ENPP3: variants seen among roughly 807,000 people sequenced by gnomAD.
ENPP3 encodes the protein ectonucleotide pyrophosphatase/phosphodiesterase 3.
ENPP3 carries 104 observed loss-of-function variants against 117.8 expected under a neutral mutation model. That is an observed-to-expected ratio of 0.88 (90% CI 0.75 to 1.04). The LOEUF (loss-of-function observed/expected upper bound fraction) is 1.04. ENPP3 is among the 50% of genes least tolerant of loss of function. ENPP3 has a pLI of 0.00. For missense variants in ENPP3, 1,026 were observed against 1,051.9 expected, an observed-to-expected ratio of 0.98 and a Z score of 0.34; for synonymous variants, 380 against 349.9, an observed-to-expected ratio of 1.09 and a Z score of -0.96.
chr6:131,662,555 A>G (rs1778525641), intron 6 of ENPP3, among the ~76,000 whole-genome samples: 1 of 152,022 alleles, frequency 6.6e-6, no homozygotes, highest in African/African-American at 2.4e-5. Context: ...ATTCTTTTTC[A>G]TTGGTCTATA....
chr6:131,737,616 G>T (rs1162919005), intron 22 of ENPP3, among the ~76,000 whole-genome samples, 184 bp downstream of exon 22: 3 of 152,052 alleles, frequency 2.0e-5, no homozygotes, highest in Admixed American at 6.5e-5. Context: ...CTTTGACTTT[G>T]AGTGACTTGT....
rs200016327 is a variant in ENPP3, at chr6:131,726,137, T to C, written c.1890T>C (p.Tyr630=). The change falls in exon 20 of 25, where the codon TAT becomes TAC. Residue 630 remains tyrosine, a synonymous_variant. Transcript: ENST00000357639. ...VDHCLLYHRE[Y]VSGFGKAMRM... ...ACTGTCTCCTTTACCACAGGGAATA[T>C]GTCAGTGGATTTGGAAAAGCTATGA... 1.2e-5 allele frequency: 19 copies of C among 1,613,772 alleles called. No individual in the cohort carries two copies. Among genetic ancestry groups the C allele is most frequent in the Non-Finnish European group, 5.9e-6 (7 of 1,179,782 alleles).
chr6:131,706,648 A>G (rs886952821), intron 15 of ENPP3, among the ~76,000 whole-genome samples: 14 of 149,644 alleles, frequency 9.4e-5, no homozygotes, highest in Non-Finnish European at 1.6e-4. Context: ...TTTATCATGA[A>G]TGGATATCGA....
intron 6 of ENPP3, among the ~76,000 whole-genome samples, chr6:131,663,410 G>A (rs1210970969): frequency 6.6e-6 from 1 of 151,258 alleles, no homozygotes; most frequent in Non-Finnish European, 1.5e-5. Context: ...TCACCAGCTG[G>A]GCATGGTTGC....
intron 20 of ENPP3, among the ~76,000 whole-genome samples, chr6:131,732,639 C>T (rs1436637429): frequency 6.6e-6 from 1 of 151,074 alleles, no homozygotes; most frequent in Non-Finnish European, 1.5e-5. Flanking sequence ...TCTTGACCTC[C>T]AGTGATCCAC....
intron 6 of ENPP3, among the ~76,000 whole-genome samples, chr6:131,660,729 T>G (rs1336954174): frequency 6.6e-6 from 1 of 152,244 alleles, no homozygotes; most frequent in African/African-American, 2.4e-5. Flanking sequence ...TTTTAAATTT[T>G]GTTAAGAATG....
intron 11 of ENPP3, among the ~76,000 whole-genome samples, chr6:131,682,599 G>C (rs1177401752): frequency 6.6e-6 from 1 of 152,178 alleles, no homozygotes; most frequent in Non-Finnish European, 1.5e-5. Flanking sequence ...TCCAAGTGTT[G>C]ACTTAGGACA....
At chr6:131,684,170 C>G (rs1419807090) in intron 12 of ENPP3, among the ~76,000 whole-genome samples, 5 of 152,018 alleles carry the variant, frequency 3.3e-5, no homozygotes, top group Non-Finnish European at 7.4e-5. Context: ...AAGTCAAGCC[C>G]CAATATCTGT....
At chr6:131,732,196 A>G (rs1688469654) in intron 20 of ENPP3, among the ~76,000 whole-genome samples, 1 of 152,238 alleles carries the variant, frequency 6.6e-6, no homozygotes, top group Admixed American at 6.5e-5. Flanking sequence ...TTATTAAGAA[A>G]GATATCCATT....
At chr6:131,721,386 A>T (rs1159289890) in intron 17 of ENPP3, among the ~76,000 whole-genome samples, 1 of 152,200 alleles carries the variant, frequency 6.6e-6, no homozygotes, top group Non-Finnish European at 1.5e-5. Context: ...AACAACTTAC[A>T]TTCTTGTTCC....
intron 5 of ENPP3, among the ~76,000 whole-genome samples, chr6:131,656,314 A>G (rs1267578443): frequency 6.6e-6 from 1 of 152,228 alleles, no homozygotes; most frequent in Non-Finnish European, 1.5e-5. Flanking sequence ...AATCGGAGAA[A>G]TAAAAATGAA....
Position 131,747,059 on chromosome 6 carries a change from T to C in ENPP3, c.*103T>C. 2 of 564,492 alleles carry C rather than the reference T, an allele frequency of 3.5e-6. No individual in the cohort carries two copies. The highest frequency in any genetic ancestry group is 8.4e-5 in the South Asian group (2 of 23,944). The allele number at this position is 564,492 out of a possible 1,614,324, so 35.0% of individuals were successfully genotyped here. A position where few individuals can be genotyped will look rare whatever the true frequency, so the allele number is the denominator to read the frequency against. On this transcript the variant is annotated 3_prime_UTR_variant, in exon 25 of 25. Coordinates refer to ENST00000357639, the MANE Select transcript of ENPP3 (RefSeq NM_005021.5). ...ATTGTAAAATAAAGTTTTCTATTTT[T>C]CCTTAAGTCCCCTAAAAGCCATAAT...
At chr6:131,723,260 G>A (rs1243927973) in intron 18 of ENPP3, among the ~76,000 whole-genome samples, 2 of 152,062 alleles carry the variant, frequency 1.3e-5, no homozygotes, top group Admixed American at 6.6e-5. Flanking sequence ...CTTCAAAATA[G>A]CATTATACCA....
At chr6:131,653,158 C>G (rs1042504388) in intron 5 of ENPP3, among the ~76,000 whole-genome samples, 2 of 152,086 alleles carry the variant, frequency 1.3e-5, no homozygotes, top group African/African-American at 4.8e-5. Flanking sequence ...GAGACAAGGT[C>G]TTGCTCTGTT....
At chr6:131,645,122 C>T (rs1490252503) in intron 2 of ENPP3, among the ~76,000 whole-genome samples, 1 of 152,244 alleles carries the variant, frequency 6.6e-6, no homozygotes, top group African/African-American at 2.4e-5. Flanking sequence ...TATGCCCTCT[C>T]TTGGTGCTGA....
intron 17 of ENPP3, among the ~76,000 whole-genome samples, chr6:131,721,876 G>A (rs1197773435): frequency 6.6e-6 from 1 of 152,166 alleles, no homozygotes; most frequent in Non-Finnish European, 1.5e-5. Context: ...TGGCTCATCT[G>A]CAGCAACTGT....
chr6:131,662,731 T>C (rs1001680946), intron 6 of ENPP3, among the ~76,000 whole-genome samples: 7 of 152,152 alleles, frequency 4.6e-5, no homozygotes, highest in Non-Finnish European at 8.8e-5. Flanking sequence ...ATAAATGTCA[T>C]TGGGGTTTTG....
intron 1 of ENPP3, among the ~76,000 whole-genome samples, chr6:131,640,830 T>A (rs560895274): frequency 6.6e-6 from 1 of 152,298 alleles, no homozygotes; most frequent in East Asian, 1.9e-4. Flanking sequence ...TAGCATAAAG[T>A]TCGTTACACC....
chr6:131,657,892 G>A (rs1778418213), intron 5 of ENPP3, among the ~76,000 whole-genome samples: 1 of 152,040 alleles, frequency 6.6e-6, no homozygotes, highest in East Asian at 1.9e-4. Context: ...GGCCAGGCGT[G>A]GTGACTCACA....
Sources: gnomAD v4.1 joint callset for allele counts (sites outside exome capture counted in the v4.1 genomes callset) on GRCh38, gnomAD v4.1.1 for gene constraint, MANE v1.5 for transcripts, NCBI Gene and HGNC (gene_info 2026-07-23, HGNC 2026-07-21) for gene names.